The following DPCD variants were observed in gnomAD, a reference collection of about 807,000 sequenced individuals.
The protein encoded by DPCD is deleted in primary ciliary dyskinesia homolog (mouse), also known as protein DPCD.
In DPCD, 20 loss-of-function variants were observed where a neutral mutation model predicts 26.4. The observed-to-expected ratio is 0.76, with a 90% CI of 0.53 to 1.10. DPCD has a LOEUF of 1.10. Among genes scored for constraint, DPCD ranks in the 50% least tolerant of loss-of-function variants. The probability of loss-of-function intolerance (pLI) is 0.00; values close to 1 mark genes in which losing one functional copy is unlikely to be tolerated. For synonymous variants in DPCD, 97 were observed against 94.2 expected (o/e 1.03, Z -0.17); for missense variants, 202 against 253.9 (o/e 0.80, Z 1.39).
chr10:101,606,245 T>C (rs1164732920), intron 4 of DPCD, among the ~76,000 whole-genome samples: 1 of 152,056 alleles, frequency 6.6e-6, no homozygotes, highest in Non-Finnish European at 1.5e-5. Flanking sequence ...CACTGCAACC[T>C]CCGCCCCCTG....
intron 4 of DPCD, among the ~76,000 whole-genome samples, chr10:101,606,840 G>A (rs1026809058): frequency 6.6e-6 from 1 of 151,994 alleles, no homozygotes; most frequent in Non-Finnish European, 1.5e-5. Context: ...GAAGGGGGTG[G>A]GCTTCCCCAG....
chr10:101,594,047 A>G (rs951430766), intron 1 of DPCD, among the ~76,000 whole-genome samples: 2 of 152,184 alleles, frequency 1.3e-5, no homozygotes, highest in African/African-American at 2.4e-5. Flanking sequence ...GCCATGAAGA[A>G]AATACATGGG....
intron 2 of DPCD, among the ~76,000 whole-genome samples, chr10:101,594,992 G>A (rs78988614): frequency 0.032 from 4,830 of 152,230 alleles, 91 homozygotes; most frequent in East Asian, 0.096. Flanking sequence ...ATTCTAAGAT[G>A]TAGAGAAACA....
chr10:101,608,792 T>C, intron 4 of DPCD, 43 bp from the exon 5 acceptor site: 1 of 1,417,402 alleles, frequency 7.1e-7, no homozygotes, highest in Non-Finnish European at 1.0e-6. Context: ...GGCTGTTGGG[T>C]CACCTTGCCG....
At chr10:101,598,035 G>T (rs1007439272) in intron 2 of DPCD, among the ~76,000 whole-genome samples, 2 of 152,198 alleles carry the variant, frequency 1.3e-5, no homozygotes, top group Admixed American at 6.5e-5. Flanking sequence ...TCCCTGAGTG[G>T]TTTTTAAGGT....
intron 1 of DPCD, among the ~76,000 whole-genome samples, chr10:101,593,702 C>A (rs942582367): frequency 3.3e-5 from 5 of 152,170 alleles, no homozygotes; most frequent in African/African-American, 1.2e-4. Flanking sequence ...AATTCTCCTG[C>A]CTCAGACTCC....
At chr10:101,596,048 AAAAC>A (rs1350290743) in intron 2 of DPCD, among the ~76,000 whole-genome samples, 2 of 152,208 alleles carry the variant, frequency 1.3e-5, no homozygotes, top group East Asian at 1.9e-4. Flanking sequence ...TGCGGCTGTA[AAAAC>A]AAACAAATAA....
intron 1 of DPCD, among the ~76,000 whole-genome samples, chr10:101,589,048 G>A (rs1414063773): frequency 6.6e-6 from 1 of 152,260 alleles, no homozygotes; most frequent in African/African-American, 2.4e-5. Context: ...AGGATTGGCC[G>A]ATGCCGGCCC....
At chr10:101,597,413 G>C (rs896342371) in intron 2 of DPCD, among the ~76,000 whole-genome samples, 5 of 152,230 alleles carry the variant, frequency 3.3e-5, no homozygotes, top group African/African-American at 1.2e-4. Flanking sequence ...AAGCTGCAGG[G>C]AACATTTAGG....
intron 1 of DPCD, among the ~76,000 whole-genome samples, chr10:101,592,264 C>T (rs2063615567): frequency 6.6e-6 from 1 of 152,140 alleles, no homozygotes. Flanking sequence ...CCTGTAATCC[C>T]AGCTACTGGG....
chr10:101,597,746 G>A (rs1316107965), intron 2 of DPCD, among the ~76,000 whole-genome samples: 1 of 152,256 alleles, frequency 6.6e-6, no homozygotes, highest in African/African-American at 2.4e-5. Flanking sequence ...CAGAGTGACA[G>A]CAGATGGAAA....
At chr10:101,609,271 A>G (rs2063756295) in intron 5 of DPCD, 96 bp from the exon 6 acceptor site, 4 of 1,158,386 alleles carry the variant, frequency 3.5e-6, no homozygotes, top group Non-Finnish European at 5.0e-6. Context: ...TTTCTCGTGC[A>G]AATAAGGGGA....
At chr10:101,605,403 C>T (rs2063727136) in intron 4 of DPCD, among the ~76,000 whole-genome samples, 1 of 152,130 alleles carries the variant, frequency 6.6e-6, no homozygotes, top group African/African-American at 2.4e-5. Context: ...ATGGAGGAGT[C>T]GTCTGTCAAA....
chr10:101,588,964 C>CTAGA (rs2063539420), intron 1 of DPCD, among the ~76,000 whole-genome samples: 1 of 152,224 alleles, frequency 6.6e-6, no homozygotes, highest in Non-Finnish European at 1.5e-5. Flanking sequence ...TTTAGGGGAG[C>CTAGA]TAGAGCAAGA....
intron 4 of DPCD, among the ~76,000 whole-genome samples, chr10:101,601,973 G>T (rs2063701766): frequency 6.6e-6 from 1 of 152,160 alleles, no homozygotes; most frequent in African/African-American, 2.4e-5. Flanking sequence ...AGGACAGAAG[G>T]TGGCCACAGT....
chr10:101,599,925 C>T (rs538599461), intron 2 of DPCD, among the ~76,000 whole-genome samples: 28 of 152,266 alleles, frequency 1.8e-4, no homozygotes, highest in African/African-American at 4.6e-4. Flanking sequence ...AGTGATGGAC[C>T]GCATGGTTCC....
At chr10:101,601,416 T>C in intron 4 of DPCD, 80 bp downstream of exon 4, 2 of 1,532,206 alleles carry the variant, frequency 1.3e-6, no homozygotes, top group Non-Finnish European at 8.9e-7. Flanking sequence ...TTAGGATCAT[T>C]ATTCAGGCCG....
intron 4 of DPCD, among the ~76,000 whole-genome samples, chr10:101,604,419 G>A (rs2063719953): frequency 6.6e-6 from 1 of 152,196 alleles, no homozygotes; most frequent in African/African-American, 2.4e-5. Context: ...ATTCTGGAAT[G>A]TGGTTACTAA....
Position 101,600,842 on chromosome 10 carries a change from A to T in DPCD, c.250A>T (p.Ile84Phe). 6.2e-7 allele frequency: 1 copy of T among 1,614,058 alleles called. No homozygotes were observed. The highest frequency in any genetic ancestry group is 8.5e-7 in the Non-Finnish European group (1 of 1,179,998). ...AGCAGGGAACCTGGGGCCTGAACTC[A>T]TCAAGGAAAGCAATGCCAATGTACG... Reference protein sequence around the residue: ...LGAGNLGPELIKESNANPIFM... With the variant: ...LGAGNLGPELFKESNANPIFM... The change falls in exon 3 of 6, where the codon ATC becomes TTC. Residue 84 changes from isoleucine (I) to phenylalanine (F), a missense_variant. Ile to Phe is a conservative substitution (Grantham distance 21). Coordinates refer to ENST00000370151, the MANE Select transcript of DPCD (RefSeq NM_015448.3). This position sits in a 1 kb window ranked among gnomAD's most constrained non-coding sequence, Gnocchi z 4.7.
Sources: allele counts gnomAD v4.1 joint callset (sites outside exome capture counted in the v4.1 genomes callset), GRCh38; gene constraint gnomAD v4.1.1; non-coding constraint Gnocchi (gnomAD v3.1); transcripts MANE v1.5; gene names NCBI Gene and HGNC (gene_info 2026-07-23, HGNC 2026-07-21).